Variants in TJP2 observed in about 807,000 individuals in gnomAD.
TJP2 encodes the protein Friedreich ataxia region gene X104 (tight junction protein ZO-2).
TJP2 carries 91 observed loss-of-function variants against 133.1 expected under a neutral mutation model. The observed-to-expected ratio is 0.68, with a 90% CI of 0.58 to 0.81. The LOEUF (loss-of-function observed/expected upper bound fraction) is 0.81. TJP2 is among the 40% of genes least tolerant of loss of function. The probability of loss-of-function intolerance (pLI) is 0.00; values close to 1 mark genes in which losing one functional copy is unlikely to be tolerated. For synonymous variants in TJP2, 592 were observed against 583.4 expected, an observed-to-expected ratio of 1.01 and a Z score of -0.21; for missense variants, 1,541 against 1,565.6, an observed-to-expected ratio of 0.98 and a Z score of 0.26.
intron 17 of TJP2, among the ~76,000 whole-genome samples, chr9:69,241,316 T>C (rs993164137): frequency 1.3e-5 from 2 of 152,230 alleles, no homozygotes; most frequent in African/African-American, 2.4e-5. Flanking sequence ...TTTGTGGTCA[T>C]GCAGGGCATT....
At chr9:69,136,453 GTAAAAGGTATCC>G (rs1196840336) in intron 1 of TJP2, among the ~76,000 whole-genome samples, 1 of 152,084 alleles carries the variant, frequency 6.6e-6, no homozygotes, top group Non-Finnish European at 1.5e-5. Context: ...TTCAATGATG[GTAAAAGGTATCC>G]TAAAATTTAT....
intron 1 of TJP2, among the ~76,000 whole-genome samples, chr9:69,210,518 C>T (rs1425171196): frequency 6.6e-6 from 1 of 152,102 alleles, no homozygotes; most frequent in African/African-American, 2.4e-5. Flanking sequence ...GAACAGTCGT[C>T]ACAGTGAACA....
At chr9:69,218,927 A>C (rs975561307) in intron 4 of TJP2, among the ~76,000 whole-genome samples, 4 of 151,662 alleles carry the variant, frequency 2.6e-5, no homozygotes, top group African/African-American at 9.7e-5. Context: ...GGGCAATGCT[A>C]GTAGGCATAT....
At chr9:69,121,347 TC>T, upstream of TJP2, 1 of 984,580 alleles carries the variant, frequency 1.0e-6, no homozygotes, top group Non-Finnish European at 1.2e-6. Context: ...CCCAGAACCC[TC>T]CGGTCTCAAG....
In TJP2 at chr9:69,234,394, C is replaced by CTTTCT. The variant is rs764662709; in HGVS notation, c.1672-41_1672-37dup. Reference sequence around the variant, plus strand: ...TTTTTCTTTCTTTCTTTCTTTCTTTCTTTCTTTTTTTTTTTTTTCTTTTTC... The same window carrying CTTTCT: ...TTTTTCTTTCTTTCTTTCTTTCTTTCTTTCTTTTCTTTTTTTTTTTTTTCTTTTTC... On this transcript the variant is annotated intron_variant, in intron 11 of 22. Transcript: ENST00000377245. 7 of 1,293,290 alleles carry CTTTCT rather than the reference C, an allele frequency of 5.4e-6. No individual in the cohort carries two copies. The Admixed American group carries it at 1.1e-4, about 21-fold the overall frequency. 80.1% of individuals were successfully genotyped at this position (1,293,290 alleles called of 1,614,324 possible). A position where few individuals can be genotyped will look rare whatever the true frequency, so the allele number is the denominator to read the frequency against.
At chr9:69,218,190 C>A in intron 3 of TJP2, 67 bp from the exon 4 acceptor site, 1 of 1,321,370 alleles carries the variant, frequency 7.6e-7, no homozygotes, top group Non-Finnish European at 1.1e-6. Flanking sequence ...CTATTTGTTC[C>A]TAAATAAATA....
At chr9:69,171,147 C>T (rs148990506), upstream of TJP2, among the ~76,000 whole-genome samples, 1,429 of 152,236 alleles carry the variant, frequency 9.4e-3, 30 homozygotes, top group African/African-American at 0.031. Flanking sequence ...TAAAAGCCAC[C>T]GTCATCTCCT....
At chr9:69,253,750 T>C in intron 22 of TJP2, 1 of 287,578 alleles carries the variant, frequency 3.5e-6, no homozygotes, top group Non-Finnish European at 6.8e-6. Context: ...CAGCCTCTTG[T>C]GGCCATTCTG....
chr9:69,159,915 G>A (rs1823980323), intron 2 of TJP2, among the ~76,000 whole-genome samples: 1 of 150,354 alleles, frequency 6.7e-6, no homozygotes, highest in Admixed American at 6.6e-5. Flanking sequence ...ATATGTGTGT[G>A]TGTGTGTTTC....
chr9:69,174,578 CAG>C (rs1233912998), intron 1 of TJP2, 146 bp downstream of exon 1: 3 of 1,029,622 alleles, frequency 2.9e-6, no homozygotes, highest in African/African-American at 1.6e-5. Flanking sequence ...ACGTGGGACG[CAG>C]GGGAGGGGTA....
chr9:69,153,339 T>C lies in TJP2; in HGVS notation c.-10+1568T>C, dbSNP rs147039313. 6.5e-3 allele frequency among the ~76,000 whole-genome samples: 987 copies of C among 152,084 alleles called. 10 individuals are homozygous for C. Among genetic ancestry groups the C allele is most frequent in the Non-Finnish European group, 8.1e-3 (553 of 67,970 alleles). ...GGCTCATGCCTGTAATCCCAGCAAT[T>C]TGGGAGGCCAATGTGGAAGGATGGC... On this transcript the variant is annotated intron_variant, in intron 2 of 5. Coordinates refer to the TJP2 transcript ENST00000423935.
At position 69,227,993 on chromosome 9, in the gene TJP2, C is replaced by A. The variant is rs752098711; in HGVS notation, c.1332C>A (p.Asp444Glu). ...KLKERPSSRE[D>E]TPSRLSRMGA... ...ACATGTGATTCAGTTCCAGAGAGGA[C>A]ACGCCGAGCAGATTGTCCAGGATGG... is the stretch of plus-strand genomic sequence containing the variant. The change falls in exon 9 of 23, where the codon GAC (aspartate) becomes GAA (glutamate). Residue 444 changes from aspartate (D) to glutamate (E), a missense_variant. Coordinates refer to ENST00000377245, the MANE Select transcript of TJP2 (RefSeq NM_004817.4). 1 of 1,614,146 alleles carries A rather than the reference C, an allele frequency of 6.2e-7. No individual in the cohort carries two copies. Among genetic ancestry groups the A allele is most frequent in the Non-Finnish European group, 8.5e-7 (1 of 1,180,020 alleles).
chr9:69,200,883 C>T (rs1441957903), intron 1 of TJP2, among the ~76,000 whole-genome samples: 1 of 152,128 alleles, frequency 6.6e-6, no homozygotes, highest in African/African-American at 2.4e-5. Flanking sequence ...GTCTGCCATC[C>T]CATGGCACTT....
At chr9:69,173,586 T>A (rs1449732931), upstream of TJP2, among the ~76,000 whole-genome samples, 1 of 152,222 alleles carries the variant, frequency 6.6e-6, no homozygotes, top group Non-Finnish European at 1.5e-5. Flanking sequence ...TAATATTTAA[T>A]ACGAACATCT....
chr9:69,135,639 C>G (rs1266255426), intron 1 of TJP2, among the ~76,000 whole-genome samples: 1 of 151,146 alleles, frequency 6.6e-6, no homozygotes, highest in African/African-American at 2.4e-5. Flanking sequence ...CGGAGTTTTA[C>G]TCTTTTGCCA....
At chr9:69,253,758 C>G (rs921961676) in intron 22 of TJP2, 2 of 288,442 alleles carry the variant, frequency 6.9e-6, no homozygotes, top group Non-Finnish European at 6.8e-6. Context: ...TGTGGCCATT[C>G]TGACTGGAAG....
intron 1 of TJP2, among the ~76,000 whole-genome samples, chr9:69,144,256 C>T (rs1190577421): frequency 6.6e-6 from 1 of 152,162 alleles, no homozygotes; most frequent in East Asian, 1.9e-4. Flanking sequence ...TTGGTATGTG[C>T]ACCTCACTTT....
chr9:69,246,825 G>A (rs766046595), intron 18 of TJP2, 35 bp downstream of exon 18: 3 of 1,574,376 alleles, frequency 1.9e-6, no homozygotes, highest in Non-Finnish European at 2.6e-6. Flanking sequence ...TGAGGTGAGA[G>A]TCCCTGTTCT....
At chr9:69,254,001 C>G (rs990184218) in intron 22 of TJP2, 3 of 617,476 alleles carry the variant, frequency 4.9e-6, no homozygotes, top group African/African-American at 3.6e-5. Flanking sequence ...TGGCTGGCTT[C>G]CTCACTCACC....
Sources: gnomAD v4.1 joint callset for allele counts (sites outside exome capture counted in the v4.1 genomes callset) on GRCh38, gnomAD v4.1.1 for gene constraint, MANE v1.5 for transcripts, NCBI Gene and HGNC (gene_info 2026-07-23, HGNC 2026-07-21) for gene names.